Variants in TRPC6 observed in about 807,000 individuals in gnomAD.
The protein encoded by TRPC6 is transient receptor potential cation channel subfamily C member 6.
Under a neutral mutation model 90.7 loss-of-function variants are expected in TRPC6, and 55 were observed. The ratio of observed to expected loss-of-function variants is 0.61; its 90% CI spans 0.49 to 0.76. TRPC6 has a LOEUF of 0.76. Among genes scored for constraint, TRPC6 ranks in the 30% least tolerant of loss-of-function variants. TRPC6 has a pLI of 0.00. For synonymous variants in TRPC6, 393 were observed against 393.0 expected (o/e 1.00, Z 0.00); for missense variants, 989 against 1,122.7 (o/e 0.88, Z 1.70).
intron 2 of TRPC6, among the ~76,000 whole-genome samples, chr11:101,499,605 T>TATATAC (rs1268542408): frequency 9.4e-6 from 1 of 106,012 alleles, no homozygotes; most frequent in African/African-American, 3.9e-5. Context: ...TACGTATATA[T>TATATAC]GGTATATATA....
chr11:101,533,224 A>ATTGG (rs1321863908), intron 1 of TRPC6, among the ~76,000 whole-genome samples: 3 of 152,136 alleles, frequency 2.0e-5, no homozygotes, highest in Non-Finnish European at 4.4e-5. Context: ...AAGAAGTTTA[A>ATTGG]TTGGTTCATG....
chr11:101,568,237 C>T (rs1341164382), intron 1 of TRPC6, among the ~76,000 whole-genome samples: 1 of 152,150 alleles, frequency 6.6e-6, no homozygotes, highest in Non-Finnish European at 1.5e-5. Context: ...AAGTATCATA[C>T]ATGCCAAATT....
chr11:101,528,883 C>T (rs1049449855), intron 1 of TRPC6, among the ~76,000 whole-genome samples: 9 of 151,984 alleles, frequency 5.9e-5, no homozygotes, highest in Admixed American at 4.6e-4. Context: ...ACAGGCCAAT[C>T]GGCATCTGGA....
At chr11:101,522,574 A>T (rs908485324) in intron 1 of TRPC6, among the ~76,000 whole-genome samples, 1 of 152,224 alleles carries the variant, frequency 6.6e-6, no homozygotes, top group African/African-American at 2.4e-5. Context: ...AACCTCTAAC[A>T]TTCCAGGTTT....
chr11:101,452,063 A>G lies in TRPC6; in HGVS notation c.*892T>C, dbSNP rs2136632930. ...ATTCAATGGCTAAGTGTGGGGATTCATCTGTAAATGCTCCCAGAAATGGCA... is the reference window on the plus strand; with the variant it reads ...ATTCAATGGCTAAGTGTGGGGATTCGTCTGTAAATGCTCCCAGAAATGGCA... On this transcript the variant is annotated 3_prime_UTR_variant, in exon 13 of 13. Transcript: ENST00000344327. 6.6e-6 allele frequency: 1 copy of G among 152,288 alleles called. No homozygotes were observed. Among genetic ancestry groups the G allele is most frequent in the African/African-American group, 2.4e-5 (1 of 41,556 alleles). The allele number at this position is 152,288 out of a possible 1,614,324, so 9.4% of individuals were successfully genotyped here. A position where few individuals can be genotyped will look rare whatever the true frequency, so the allele number is the denominator to read the frequency against.
rs561674540 is a variant in TRPC6, at chr11:101,525,511, T to C, written c.171-20713A>G. 1.3e-3 allele frequency among the ~76,000 whole-genome samples: 193 copies of C among 152,270 alleles called. 3 individuals carry two copies. In the South Asian group the frequency reaches 0.039, roughly 31 times the overall value. Reference sequence around the variant, plus strand: ...CATAGTTCTGGCTTGGATGAACAGATACAAACTGAGACCTACAGGATGAGT... The same window carrying C: ...CATAGTTCTGGCTTGGATGAACAGACACAAACTGAGACCTACAGGATGAGT... On this transcript the variant is annotated intron_variant, in intron 1 of 12. Coordinates refer to ENST00000344327, the MANE Select transcript of TRPC6 (RefSeq NM_004621.6).
At chr11:101,557,552 A>G (rs1036561096) in intron 1 of TRPC6, among the ~76,000 whole-genome samples, 3 of 152,180 alleles carry the variant, frequency 2.0e-5, no homozygotes, top group African/African-American at 7.2e-5. Flanking sequence ...CAAATTAGAA[A>G]GGAAGAAGTT....
At chr11:101,540,562 A>T (rs976071037) in intron 1 of TRPC6, among the ~76,000 whole-genome samples, 1 of 152,222 alleles carries the variant, frequency 6.6e-6, no homozygotes, top group Non-Finnish European at 1.5e-5. Flanking sequence ...ATGTAAAGAG[A>T]CATCCAAGGC....
intron 1 of TRPC6, among the ~76,000 whole-genome samples, chr11:101,581,903 A>G (rs1396957169): frequency 6.6e-6 from 1 of 152,212 alleles, no homozygotes; most frequent in African/African-American, 2.4e-5. Context: ...GCTAGCCATT[A>G]AAGTTGGAAA....
chr11:101,473,911 T>C lies in TRPC6; in HGVS notation c.1745-138A>G, dbSNP rs555971378. The C allele has an allele frequency of 1.1e-5, 13 of 1,169,844 alleles. No individual in the cohort carries two copies. The African/African-American group carries it at 2.0e-4, about 18-fold the overall frequency. The allele number at this position is 1,169,844 out of a possible 1,614,324, so 72.5% of individuals were successfully genotyped here. A position where few individuals can be genotyped will look rare whatever the true frequency, so the allele number is the denominator to read the frequency against. ...AAGTCTCCTATCTTAAAGGGCTTCT[T>C]AAGTGTCTGCTAGAGTTGAGCTTCT... On this transcript the variant is annotated intron_variant, in intron 6 of 12. Coordinates refer to ENST00000344327, the MANE Select transcript of TRPC6 (RefSeq NM_004621.6).
intron 1 of TRPC6, among the ~76,000 whole-genome samples, chr11:101,582,719 C>G (rs1260213868): frequency 6.6e-6 from 1 of 152,098 alleles, no homozygotes; most frequent in Non-Finnish European, 1.5e-5. Flanking sequence ...GTTCGCGCCG[C>G]CGGTGGAGAG....
In TRPC6 at chr11:101,471,335, A is replaced by G. The variant is rs776397551; in HGVS notation, c.2257T>C (p.Tyr753His). ...GGAAGTGTTCTGCCCTCCTCAAAGT[A>G]GGAAAACCAGAGTTTGGCCCTTGCA... ...KFARAKLWFS[Y>H]FEEGRTLPVP... The change falls in exon 9 of 13, where the codon TAC (tyrosine) becomes CAC (histidine). Residue 753 changes from tyrosine to histidine, a missense_variant. Physicochemically the swap from Tyr to His is moderately conservative, Grantham distance 83. This residue lies in a region of TRPC6 where 191 missense variants were observed against 196.7 expected (regional missense o/e 0.97). Coordinates refer to ENST00000344327, the MANE Select transcript of TRPC6 (RefSeq NM_004621.6). The G allele has an allele frequency of 1.2e-6, 2 of 1,613,966 alleles. No homozygotes were observed. Among genetic ancestry groups the G allele is most frequent in the Admixed American group, 1.7e-5 (1 of 60,010 alleles).
At chr11:101,510,742 C>A (rs1860376476) in intron 1 of TRPC6, among the ~76,000 whole-genome samples, 1 of 152,104 alleles carries the variant, frequency 6.6e-6, no homozygotes, top group Admixed American at 6.5e-5. Flanking sequence ...ATGGAATAAT[C>A]CATCTCTATT....
At chr11:101,462,861 G>A (rs1184495350) in intron 10 of TRPC6, among the ~76,000 whole-genome samples, 1 of 152,146 alleles carries the variant, frequency 6.6e-6, no homozygotes, top group Non-Finnish European at 1.5e-5. Flanking sequence ...TAGGAGTGGT[G>A]AGGGAGGACA....
At chr11:101,510,449 G>A (rs541200603) in intron 1 of TRPC6, among the ~76,000 whole-genome samples, 1 of 152,134 alleles carries the variant, frequency 6.6e-6, no homozygotes, top group East Asian at 1.9e-4. Flanking sequence ...TCAGCTAAAG[G>A]GCACACTTTT....
Position 101,483,054 on chromosome 11 carries a change from T to C in TRPC6, c.1405A>G (p.Lys469Glu), listed in dbSNP as rs1565211513. The C allele has an allele frequency of 6.2e-7, 1 of 1,614,104 alleles. No homozygotes were observed. The highest frequency in any genetic ancestry group is 1.1e-5 in the South Asian group (1 of 91,086). Residue 469 changes from lysine to glutamate, a missense_variant, in exon 5 of 13, where the codon AAA (lysine) becomes GAA (glutamate). Around this residue, in one of 4 missense-constraint regions of TRPC6, gnomAD observed 486 missense variants for 591.9 expected, o/e 0.82. Coordinates refer to ENST00000344327, the MANE Select transcript of TRPC6 (RefSeq NM_004621.6). ...GTGCTGGTTTCATTAGGAAGGAGTT[T>C]TGTGCCTTCAAATCTGTCAGCTGCA... ...MNAADRFEGT[K>E]LLPNETSTDN...
Position 101,490,100 on chromosome 11 carries a change from TAA to T in TRPC6, c.1129-1001_1129-1000del. On this transcript the variant is annotated intron_variant, in intron 3 of 12. Transcript: ENST00000344327. ...ACATGTAAGAATTTTTGTTTACGAG[TAA>T]AAGTCATGCAAGTAAGCAAGCTATA... Among the ~76,000 whole-genome samples, 4 of 152,264 alleles carry T rather than the reference TAA, an allele frequency of 2.6e-5. 1 individual carries two copies. The highest frequency in any genetic ancestry group is 2.6e-4 in the Admixed American group (4 of 15,286).
At chr11:101,484,474 A>G (rs988807188) in intron 4 of TRPC6, among the ~76,000 whole-genome samples, 3 of 152,100 alleles carry the variant, frequency 2.0e-5, no homozygotes, top group Non-Finnish European at 4.4e-5. Flanking sequence ...ATTTGTCTAT[A>G]TGGTTTTCAA....
At chr11:101,525,891 G>A (rs948739377) in intron 1 of TRPC6, among the ~76,000 whole-genome samples, 1 of 152,190 alleles carries the variant, frequency 6.6e-6, no homozygotes, top group African/African-American at 2.4e-5. Flanking sequence ...TGGCCTAAAG[G>A]AGGCATCGCC....
Sources: allele counts gnomAD v4.1 joint callset (sites outside exome capture counted in the v4.1 genomes callset), GRCh38; gene constraint gnomAD v4.1.1; regional missense constraint gnomAD v4.1.1; transcripts MANE v1.5; gene names NCBI Gene and HGNC (gene_info 2026-07-23, HGNC 2026-07-21).